ANKS1B: variants seen among roughly 807,000 people sequenced by gnomAD.
The protein encoded by ANKS1B is ankyrin repeat and sterile alpha motif domain containing 1B, also known as ankyrin repeat and sterile alpha motif domain-containing protein 1B.
ANKS1B carries 36 observed loss-of-function variants against 148.3 expected under a neutral mutation model. That is an observed-to-expected ratio of 0.24 (90% CI 0.19 to 0.32). ANKS1B has a LOEUF of 0.32. Ranked by LOEUF, ANKS1B falls within the 10% of genes least tolerant of loss-of-function variation. The pLI, the probability that ANKS1B is intolerant of heterozygous loss-of-function variation, is 1.00. For missense variants in ANKS1B, 1,157 were observed against 1,542.6 expected, an observed-to-expected ratio of 0.75 and a Z score of 4.19; for synonymous variants, 542 against 560.8, an observed-to-expected ratio of 0.97 and a Z score of 0.47.
Position 99,815,763 on chromosome 12 carries a change from GTCACT to G in ANKS1B, c.216-3457_216-3453del, listed in dbSNP as rs752057752. 8.3e-4 allele frequency among the ~76,000 whole-genome samples: 125 copies of G among 151,476 alleles called. 1 individual carries two copies. Among genetic ancestry groups the G allele is most frequent in the Middle Eastern group, 3.4e-3 (1 of 294 alleles). ...ATGGTATTTGGTTTTCCATTCCCTA[GTCACT>G]TCACTTAGAATAACGGCTTCCAGTT... On this transcript the variant is annotated intron_variant, in intron 2 of 26. Transcript: ENST00000683438.
At chr12:99,502,725 A>G (rs919883901) in intron 10 of ANKS1B, among the ~76,000 whole-genome samples, 18 of 152,190 alleles carry the variant, frequency 1.2e-4, no homozygotes, top group African/African-American at 3.4e-4. Flanking sequence ...AATCATATGG[A>G]ATAATGCATA....
At chr12:99,632,032 G>T (rs193104389) in intron 9 of ANKS1B, among the ~76,000 whole-genome samples, 2 of 152,242 alleles carry the variant, frequency 1.3e-5, no homozygotes, top group Admixed American at 1.3e-4. Flanking sequence ...CAGGCTCAAA[G>T]GCTGAGGAGA....
chr12:98,889,223 G>A (rs1055832152), intron 17 of ANKS1B, among the ~76,000 whole-genome samples: 1 of 152,042 alleles, frequency 6.6e-6, no homozygotes, highest in Non-Finnish European at 1.5e-5. Context: ...ATTATCACTG[G>A]GAAAATAGGA....
intron 17 of ANKS1B, among the ~76,000 whole-genome samples, chr12:98,903,165 G>A (rs897405697): frequency 5.3e-5 from 8 of 152,054 alleles, no homozygotes; most frequent in Non-Finnish European, 1.2e-4. Flanking sequence ...ATAATTTGGG[G>A]TTGGGATAAT....
At chr12:99,637,971 G>A (rs1053637103) in intron 9 of ANKS1B, among the ~76,000 whole-genome samples, 9 of 151,768 alleles carry the variant, frequency 5.9e-5, no homozygotes, top group African/African-American at 2.2e-4. Flanking sequence ...TTAAATCACG[G>A]GGATGGTTAC....
At chr12:99,688,374 TTC>T (rs2098661127) in intron 8 of ANKS1B, among the ~76,000 whole-genome samples, 1 of 152,260 alleles carries the variant, frequency 6.6e-6, no homozygotes, top group Non-Finnish European at 1.5e-5. Flanking sequence ...CCTCATTTGT[TTC>T]TCTTATCTCA....
intron 1 of ANKS1B, among the ~76,000 whole-genome samples, chr12:99,867,443 T>C (rs903476502): frequency 1.3e-5 from 2 of 152,170 alleles, no homozygotes; most frequent in African/African-American, 4.8e-5. Flanking sequence ...AAAAGAGGTT[T>C]AACGGACTCA....
At chr12:98,954,365 C>T (rs1284188135) in intron 17 of ANKS1B, 1 of 152,140 alleles carries the variant, frequency 6.6e-6, no homozygotes, top group Non-Finnish European at 1.5e-5. Context: ...TCCCAAGACT[C>T]CTAGAAAGTG....
chr12:98,834,092 G>A (rs1203075737), intron 17 of ANKS1B, among the ~76,000 whole-genome samples: 3 of 152,142 alleles, frequency 2.0e-5, no homozygotes, highest in Non-Finnish European at 2.9e-5. Context: ...TTGATGATGA[G>A]GAGGGTAAAT....
intron 11 of ANKS1B, among the ~76,000 whole-genome samples, chr12:99,436,453 T>C (rs1485979512): frequency 2.0e-5 from 3 of 152,104 alleles, no homozygotes; most frequent in Non-Finnish European, 4.4e-5. Context: ...TCCTTGAAGT[T>C]CTTTTTATTC....
intron 4 of ANKS1B, among the ~76,000 whole-genome samples, chr12:99,805,263 C>CAAAAAAAAGAAAAAAAAAA (rs2067459865): frequency 3.5e-5 from 1 of 28,908 alleles, no homozygotes; most frequent in Non-Finnish European, 5.8e-5. Context: ...GAGGAAAAGG[C>CAAAAAAAAGAAAAAAAAAA]AAAAAAAAAA....
intron 10 of ANKS1B, among the ~76,000 whole-genome samples, chr12:99,485,618 T>C (rs2096478473): frequency 6.6e-6 from 1 of 152,114 alleles, no homozygotes; most frequent in African/African-American, 2.4e-5. Context: ...CTCAAATAAG[T>C]TTTCCAGACT....
chr12:98,850,411 AC>A (rs2153752011), intron 17 of ANKS1B, among the ~76,000 whole-genome samples: 1 of 148,416 alleles, frequency 6.7e-6, no homozygotes, highest in South Asian at 2.1e-4. Flanking sequence ...GGAGGCTTAT[AC>A]ATTGTTTTCC....
At chr12:99,194,078 G>T (rs2081097031) in intron 14 of ANKS1B, among the ~76,000 whole-genome samples, 1 of 151,892 alleles carries the variant, frequency 6.6e-6, no homozygotes, top group Non-Finnish European at 1.5e-5. Context: ...GGGATTACAG[G>T]CATGAGCCAC....
At chr12:99,505,878 CAGCATAGCTT>C (rs2096706781) in intron 9 of ANKS1B, among the ~76,000 whole-genome samples, 1 of 152,040 alleles carries the variant, frequency 6.6e-6, no homozygotes, top group Non-Finnish European at 1.5e-5. Flanking sequence ...ACCTACCAAA[CAGCATAGCTT>C]AGCCTAGCCT....
At chr12:99,420,016 C>A (rs2095035507) in intron 11 of ANKS1B, among the ~76,000 whole-genome samples, 1 of 152,082 alleles carries the variant, frequency 6.6e-6, no homozygotes, top group African/African-American at 2.4e-5. Flanking sequence ...AGTAATAGTG[C>A]CCATGAAATA....
intron 1 of ANKS1B, among the ~76,000 whole-genome samples, chr12:99,871,246 T>C: frequency 6.6e-6 from 1 of 152,190 alleles, no homozygotes; most frequent in Middle Eastern, 3.2e-3. Flanking sequence ...TTCTGGGTTC[T>C]CTATTCTGTC....
At chr12:99,409,529 A>G (rs2094620521) in intron 11 of ANKS1B, among the ~76,000 whole-genome samples, 3 of 152,170 alleles carry the variant, frequency 2.0e-5, no homozygotes, top group Admixed American at 1.3e-4. Flanking sequence ...AATACAAAGA[A>G]AGGAAAAATG....
chr12:98,986,178 T>A (rs1164536450), intron 17 of ANKS1B, among the ~76,000 whole-genome samples: 2 of 152,106 alleles, frequency 1.3e-5, no homozygotes, highest in Non-Finnish European at 2.9e-5. Flanking sequence ...TTTTAAGCAA[T>A]TTGTCTATGA....
Sources: allele counts gnomAD v4.1 joint callset (sites outside exome capture counted in the v4.1 genomes callset), GRCh38; gene constraint gnomAD v4.1.1; transcripts MANE v1.5; gene names NCBI Gene and HGNC (gene_info 2026-07-23, HGNC 2026-07-21).